The following BRI3 variants were observed in gnomAD, a reference collection of about 807,000 sequenced individuals.
BRI3 encodes the protein membrane protein BRI3.
Under a neutral mutation model 12.8 loss-of-function variants are expected in BRI3, and 6 were observed. That is an observed-to-expected ratio of 0.47 (90% CI 0.26 to 0.93). The LOEUF (loss-of-function observed/expected upper bound fraction) is 0.93. Among genes scored for constraint, BRI3 ranks in the 40% least tolerant of loss-of-function variants. The pLI is 0.15. For missense variants in BRI3, 134 were observed against 171.1 expected (o/e 0.78, Z 1.21); for synonymous variants, 91 against 76.1 (o/e 1.20, Z -1.02).
the BRI3 span, chr7:98,315,643 T>A: frequency 1.9e-6 from 2 of 1,079,866 alleles, no homozygotes; most frequent in South Asian, 6.5e-5. Context: ...ATAATAATAA[T>A]TATATAAGCA....
the BRI3 span, among the ~76,000 whole-genome samples, chr7:98,321,576 C>T: frequency 2.6e-5 from 4 of 152,158 alleles, no homozygotes; most frequent in South Asian, 8.3e-4. Flanking sequence ...AGTGGCAGTG[C>T]GCCAGCTCTC....
upstream of BRI3, chr7:98,304,160 C>T (rs990709721): frequency 6.6e-7 from 1 of 1,525,876 alleles, no homozygotes; most frequent in African/African-American, 1.4e-5. Context: ...GATGGCGAGT[C>T]CAGGACCCAG....
At chr7:98,320,878 A>T in the BRI3 span, among the ~76,000 whole-genome samples, 1 of 151,608 alleles carries the variant, frequency 6.6e-6, no homozygotes, top group Non-Finnish European at 1.5e-5. Flanking sequence ...GTTTTTTGAG[A>T]CAGGGTCTGG....
the BRI3 span, among the ~76,000 whole-genome samples, chr7:98,321,533 C>T: frequency 2.6e-5 from 4 of 152,168 alleles, no homozygotes; most frequent in South Asian, 2.1e-4. Flanking sequence ...GCAGCAATCA[C>T]GCCCCCGGGT....
At chr7:98,285,861 C>T (rs1449854481) in intron 2 of BRI3, among the ~76,000 whole-genome samples, 1 of 152,164 alleles carries the variant, frequency 6.6e-6, no homozygotes, top group Non-Finnish European at 1.5e-5. Flanking sequence ...GGGGCCACCT[C>T]GCCCTGCGCT....
intron 1 of BRI3, among the ~76,000 whole-genome samples, chr7:98,298,078 T>G (rs1036074304): frequency 6.6e-6 from 1 of 151,696 alleles, no homozygotes; most frequent in Non-Finnish European, 1.5e-5. Flanking sequence ...TAATAAAAAC[T>G]TAAAGAGATA....
chr7:98,320,820 A>G, the BRI3 span, among the ~76,000 whole-genome samples: 1 of 151,884 alleles, frequency 6.6e-6, no homozygotes, highest in Non-Finnish European at 1.5e-5. Flanking sequence ...TAATCAGACA[A>G]ATGCAAACTC....
At chr7:98,318,153 G>A in the BRI3 span, among the ~76,000 whole-genome samples, 1 of 152,190 alleles carries the variant, frequency 6.6e-6, no homozygotes, top group African/African-American at 2.4e-5. Context: ...CAACTTTAAT[G>A]TCTTGGCTTT....
At chr7:98,301,462 C>A (rs1363417582) in intron 1 of BRI3, among the ~76,000 whole-genome samples, 3 of 130,670 alleles carry the variant, frequency 2.3e-5, no homozygotes, top group African/African-American at 8.2e-5. Flanking sequence ...AGCCTTCTAG[C>A]TTTTTTTTTT....
intron 2 of BRI3, among the ~76,000 whole-genome samples, chr7:98,286,263 C>A (rs1377936703): frequency 6.6e-6 from 1 of 152,208 alleles, no homozygotes; most frequent in Admixed American, 6.5e-5. Flanking sequence ...CTGCTGCCAG[C>A]CCCCTCTGTC....
chr7:98,310,702 T>TTA, downstream of BRI3: 22 of 924,156 alleles, frequency 2.4e-5, no homozygotes, highest in Admixed American at 4.0e-5. Flanking sequence ...ATTTATTTAT[T>TTA]TTGAGACAGA....
upstream of BRI3, among the ~76,000 whole-genome samples, chr7:98,305,047 G>GTTTTTTTTTTTTTTTTTTTTT (rs59633894): frequency 1.0e-5 from 1 of 100,378 alleles, no homozygotes. Context: ...TTTGTTTTTT[G>GTTTTTTTTTTTTTTTTTTTTT]TTTTTTTTTT....
At chr7:98,293,881 G>A (rs543255385), downstream of BRI3, among the ~76,000 whole-genome samples, 3 of 152,338 alleles carry the variant, frequency 2.0e-5, no homozygotes, top group South Asian at 6.2e-4. Context: ...ACTCTGGGGT[G>A]GGGAAGCCCT....
rs540565450 is a variant in BRI3 at position 98,287,241 on chromosome 7, T to G, written c.246-3870T>G. Among the ~76,000 whole-genome samples the G allele has an allele frequency of 9.9e-5, 15 of 152,222 alleles. No homozygotes were observed. The South Asian group carries it at 2.9e-3, about 29-fold the overall frequency. ...GGGCCTTGGCCCTCCTACCCTCTCTTTAAGCGGTGTGGAGGTGGGCAGGAG... is the reference window on the plus strand; with the variant it reads ...GGGCCTTGGCCCTCCTACCCTCTCTGTAAGCGGTGTGGAGGTGGGCAGGAG... On this transcript the variant is annotated intron_variant, in intron 2 of 2. Transcript: ENST00000297290.
At chr7:98,287,048 C>G (rs574525937) in intron 2 of BRI3, among the ~76,000 whole-genome samples, 2 of 152,346 alleles carry the variant, frequency 1.3e-5, no homozygotes, top group African/African-American at 4.8e-5. Flanking sequence ...CTTCGAAGCC[C>G]GTTCAGAGCT....
At chr7:98,310,865 T>C (rs1450800747), downstream of BRI3, among the ~76,000 whole-genome samples, 1 of 152,044 alleles carries the variant, frequency 6.6e-6, no homozygotes, top group Non-Finnish European at 1.5e-5. Context: ...TTTGTATTTT[T>C]AGTAGAGATG....
At chr7:98,295,146 C>T (rs1301581699), downstream of BRI3, among the ~76,000 whole-genome samples, 1 of 152,232 alleles carries the variant, frequency 6.6e-6, no homozygotes, top group Non-Finnish European at 1.5e-5. Context: ...CTCTCATGCC[C>T]GATGCCAGCG....
At chr7:98,303,463 C>T (rs1459249832), upstream of BRI3, among the ~76,000 whole-genome samples, 1 of 152,238 alleles carries the variant, frequency 6.6e-6, no homozygotes, top group East Asian at 1.9e-4. Context: ...CGCTGCTCCC[C>T]ACCACGCCAT....
At chr7:98,301,689 CTG>C (rs375259889), upstream of BRI3, among the ~76,000 whole-genome samples, 3 of 151,956 alleles carry the variant, frequency 2.0e-5, no homozygotes, top group African/African-American at 7.2e-5. Context: ...ACACGCGCGT[CTG>C]TGTGTGTGGT....
Sources: gnomAD v4.1 joint callset for allele counts (sites outside exome capture counted in the v4.1 genomes callset) on GRCh38, gnomAD v4.1.1 for gene constraint, MANE v1.5 for transcripts, NCBI Gene and HGNC (gene_info 2026-07-23, HGNC 2026-07-21) for gene names.